ZNF804B: variants seen among roughly 807,000 people sequenced by gnomAD.
The protein encoded by ZNF804B is zinc finger 804B.
A neutral mutation model predicts 101.4 loss-of-function variants in ZNF804B; 80 were observed. The observed-to-expected ratio is 0.79, with a 90% CI of 0.66 to 0.95. The LOEUF (loss-of-function observed/expected upper bound fraction) is 0.95. Ranked by LOEUF, ZNF804B falls within the 40% of genes least tolerant of loss-of-function variation. The pLI is 0.00. For missense variants in ZNF804B, 1,673 were observed against 1,561.9 expected, an observed-to-expected ratio of 1.07 and a Z score of -1.20; for synonymous variants, 622 against 558.8, an observed-to-expected ratio of 1.11 and a Z score of -1.59.
At chr7:88,843,418 T>G (rs189234717) in intron 1 of ZNF804B, among the ~76,000 whole-genome samples, 3,925 of 152,118 alleles carry the variant, frequency 0.026, 130 homozygotes, top group African/African-American at 0.073. Context: ...TATAAATAAT[T>G]CTTAAAGAGT....
At chr7:89,212,997 G>T (rs1226728734) in intron 1 of ZNF804B, among the ~76,000 whole-genome samples, 1 of 152,020 alleles carries the variant, frequency 6.6e-6, no homozygotes, top group Non-Finnish European at 1.5e-5. Flanking sequence ...CAACAATCTT[G>T]TAAGCTACTT....
chr7:89,277,092 G>A (rs897382661), intron 2 of ZNF804B, among the ~76,000 whole-genome samples: 2 of 148,366 alleles, frequency 1.3e-5, no homozygotes, highest in African/African-American at 4.9e-5. Flanking sequence ...AGTTTATTAT[G>A]TATACAAATA....
intron 1 of ZNF804B, among the ~76,000 whole-genome samples, chr7:89,145,821 C>CT (rs1233139838): frequency 4.6e-5 from 7 of 151,938 alleles, no homozygotes; most frequent in South Asian, 2.1e-4. Flanking sequence ...GATAAATCCT[C>CT]TTTTTTCATT....
chr7:89,323,370 G>C (rs959885943), intron 2 of ZNF804B, among the ~76,000 whole-genome samples: 1 of 152,130 alleles, frequency 6.6e-6, no homozygotes, highest in South Asian at 2.1e-4. Flanking sequence ...TAGATGCAAA[G>C]TTCATAATGA....
At chr7:88,852,495 G>A (rs982994324) in intron 1 of ZNF804B, among the ~76,000 whole-genome samples, 3 of 151,838 alleles carry the variant, frequency 2.0e-5, no homozygotes, top group Non-Finnish European at 4.4e-5. Context: ...TTGTTACCTG[G>A]CCACTCCCAA....
intron 1 of ZNF804B, among the ~76,000 whole-genome samples, chr7:88,779,414 C>T (rs565083990): frequency 6.6e-6 from 1 of 152,288 alleles, no homozygotes; most frequent in South Asian, 2.1e-4. Flanking sequence ...TCTGTTCTCT[C>T]CTTTTTCCGC....
At chr7:88,775,389 G>T (rs2115643838) in intron 1 of ZNF804B, among the ~76,000 whole-genome samples, 1 of 152,288 alleles carries the variant, frequency 6.6e-6, no homozygotes, top group East Asian at 1.9e-4. Flanking sequence ...GCAGGACCCT[G>T]TAGGCCCTGT....
At chr7:89,190,125 T>C (rs1415363514) in intron 1 of ZNF804B, among the ~76,000 whole-genome samples, 1 of 151,930 alleles carries the variant, frequency 6.6e-6, no homozygotes, top group East Asian at 1.9e-4. Context: ...GATATGGTTT[T>C]AATAGCAAGA....
chr7:89,000,322 T>C (rs1189541641), intron 1 of ZNF804B, among the ~76,000 whole-genome samples: 1 of 152,006 alleles, frequency 6.6e-6, no homozygotes, highest in Non-Finnish European at 1.5e-5. Flanking sequence ...TTTATAATTA[T>C]GACTGATTCA....
intron 1 of ZNF804B, among the ~76,000 whole-genome samples, chr7:89,194,196 G>A (rs1788507364): frequency 6.6e-6 from 1 of 152,076 alleles, no homozygotes; most frequent in South Asian, 2.1e-4. Flanking sequence ...TGAGTTCATT[G>A]TAGATTCTGG....
chr7:88,998,262 A>C (rs1788228405), intron 1 of ZNF804B, among the ~76,000 whole-genome samples: 1 of 152,008 alleles, frequency 6.6e-6, no homozygotes, highest in Non-Finnish European at 1.5e-5. Context: ...CTTCTTAACC[A>C]CAACGCTCAT....
chr7:89,089,828 T>G lies in ZNF804B; in HGVS notation c.109-128327T>G, dbSNP rs139389943. ...TGAAAGACTTTCAACATATCATTTC[T>G]TATGGAAAATTATACTCAATAATTC... On this transcript the variant is annotated intron_variant, in intron 1 of 3. Coordinates refer to ENST00000333190, the MANE Select transcript of ZNF804B (RefSeq NM_181646.5). Among the ~76,000 whole-genome samples the G allele has an allele frequency of 1.6e-3, 250 of 152,214 alleles. 2 individuals carry two copies. The highest frequency in any genetic ancestry group is 5.6e-3 in the African/African-American group (233 of 41,570).
rs188153182 is a variant in ZNF804B at position 88,857,005 on chromosome 7, T to A, written c.108+96921T>A. On this transcript the variant is annotated intron_variant, in intron 1 of 3. Transcript: ENST00000333190. ...TTTTTGATGTGCTGCTGGATTCGGT[T>A]CGCCAGTATTTTATTGAGGATTTTT... 1.9e-3 allele frequency among the ~76,000 whole-genome samples: 287 copies of A among 152,238 alleles called. 1 individual carries two copies. Among genetic ancestry groups the A allele is most frequent in the Non-Finnish European group, 3.1e-3 (214 of 68,022 alleles).
At chr7:88,821,070 A>C (rs1435945059) in intron 1 of ZNF804B, among the ~76,000 whole-genome samples, 1 of 152,212 alleles carries the variant, frequency 6.6e-6, no homozygotes, top group Non-Finnish European at 1.5e-5. Flanking sequence ...CAATTCTGGA[A>C]TAAAATTGTG....
At chr7:88,951,458 G>A (rs960924100) in intron 1 of ZNF804B, among the ~76,000 whole-genome samples, 8 of 151,644 alleles carry the variant, frequency 5.3e-5, no homozygotes, top group South Asian at 2.1e-4. Context: ...ACACACACAT[G>A]CGCGTGCGCA....
At chr7:88,959,186 A>T (rs1280518967) in intron 1 of ZNF804B, among the ~76,000 whole-genome samples, 5 of 151,292 alleles carry the variant, frequency 3.3e-5, no homozygotes, top group Non-Finnish European at 7.4e-5. Flanking sequence ...CTTTCTTGTT[A>T]TGTAGTACAC....
At chr7:89,089,555 A>T (rs938434045) in intron 1 of ZNF804B, among the ~76,000 whole-genome samples, 1 of 151,222 alleles carries the variant, frequency 6.6e-6, no homozygotes, top group Admixed American at 6.6e-5. Context: ...GAGAAAAAAA[A>T]TTTTTTTTTG....
chr7:89,294,726 C>T (rs894051548), intron 2 of ZNF804B, among the ~76,000 whole-genome samples: 1 of 151,828 alleles, frequency 6.6e-6, no homozygotes, highest in Non-Finnish European at 1.5e-5. Flanking sequence ...GCCTTAGTTT[C>T]ATGTCTTAAT....
At chr7:89,065,317 A>C (rs901957118) in intron 1 of ZNF804B, among the ~76,000 whole-genome samples, 1 of 152,152 alleles carries the variant, frequency 6.6e-6, no homozygotes, top group Non-Finnish European at 1.5e-5. Flanking sequence ...TTTCTTCTTA[A>C]ACATATGTCA....
Sources: gnomAD v4.1 joint callset for allele counts (sites outside exome capture counted in the v4.1 genomes callset) on GRCh38, gnomAD v4.1.1 for gene constraint, MANE v1.5 for transcripts, NCBI Gene and HGNC (gene_info 2026-07-23, HGNC 2026-07-21) for gene names.